NWD2: variants seen among roughly 807,000 people sequenced by gnomAD.
The protein encoded by NWD2 is NACHT and WD repeat domain containing 2.
In NWD2, 37 loss-of-function variants were observed where a neutral mutation model predicts 132.7. The ratio of observed to expected loss-of-function variants is 0.28; its 90% CI spans 0.21 to 0.37. The LOEUF (loss-of-function observed/expected upper bound fraction) is 0.37, where lower values mean the gene tolerates loss of function less well. Ranked by LOEUF, NWD2 falls within the 10% of genes least tolerant of loss-of-function variation. NWD2 has a pLI of 1.00. For synonymous variants in NWD2, 705 were observed against 803.0 expected (o/e 0.88, Z 2.06); for missense variants, 1,592 against 2,122.4 (o/e 0.75, Z 4.91).
chr4:37,402,562 A>G (rs1720914049), intron 3 of NWD2, among the ~76,000 whole-genome samples: 1 of 152,214 alleles, frequency 6.6e-6, no homozygotes, highest in Non-Finnish European at 1.5e-5. Flanking sequence ...ATATTATTTA[A>G]ATGCAATGTA....
intron 1 of NWD2, among the ~76,000 whole-genome samples, chr4:37,317,457 G>A (rs1305839739): frequency 1.3e-5 from 2 of 152,098 alleles, no homozygotes; most frequent in Non-Finnish European, 2.9e-5. Flanking sequence ...TAACAATACT[G>A]GTAGACATGG....
chr4:37,277,277 G>A (rs1208018329), intron 1 of NWD2, among the ~76,000 whole-genome samples: 1 of 151,830 alleles, frequency 6.6e-6, no homozygotes. Flanking sequence ...TTGTATTTGT[G>A]TCTCATTGAG....
intron 5 of NWD2, among the ~76,000 whole-genome samples, chr4:37,437,336 G>C (rs947460965): frequency 6.6e-6 from 1 of 152,112 alleles, no homozygotes; most frequent in Non-Finnish European, 1.5e-5. Flanking sequence ...AGGAGGGCAA[G>C]GGAACTCTCT....
At chr4:37,382,380 T>C (rs1489238757) in intron 3 of NWD2, among the ~76,000 whole-genome samples, 1 of 152,138 alleles carries the variant, frequency 6.6e-6, no homozygotes, top group African/African-American at 2.4e-5. Flanking sequence ...CATCAAGAGA[T>C]TGATTTTGGC....
intron 3 of NWD2, among the ~76,000 whole-genome samples, chr4:37,377,607 G>A (rs1720370756): frequency 6.6e-6 from 1 of 152,114 alleles, no homozygotes; most frequent in Non-Finnish European, 1.5e-5. Context: ...GGTGGCACAT[G>A]CCTGTAATCC....
At chr4:37,326,385 T>G (rs559265436) in intron 2 of NWD2, among the ~76,000 whole-genome samples, 8 of 152,282 alleles carry the variant, frequency 5.3e-5, no homozygotes, top group South Asian at 2.1e-4. Context: ...GGGGACCAAC[T>G]TTTTTCAAAC....
At chr4:37,411,514 T>C (rs1053129048) in intron 3 of NWD2, among the ~76,000 whole-genome samples, 2 of 152,026 alleles carry the variant, frequency 1.3e-5, no homozygotes, top group African/African-American at 4.8e-5. Flanking sequence ...CCAAAAAAAG[T>C]CCAGGACCAG....
intron 3 of NWD2, among the ~76,000 whole-genome samples, chr4:37,413,060 G>A (rs1721194385): frequency 1.3e-5 from 2 of 152,124 alleles, no homozygotes; most frequent in African/African-American, 4.8e-5. Flanking sequence ...CACAGGCATG[G>A]GCAAACACTT....
chr4:37,251,020 A>G (rs1010532406), intron 1 of NWD2, among the ~76,000 whole-genome samples: 1 of 152,262 alleles, frequency 6.6e-6, no homozygotes, highest in Non-Finnish European at 1.5e-5. Flanking sequence ...CACGCCTATA[A>G]TCCCAGCACT....
Position 37,272,640 on chromosome 4 carries a change from A to G in NWD2, c.151+27422A>G, listed in dbSNP as rs1245710547. 2.6e-5 allele frequency among the ~76,000 whole-genome samples: 4 copies of G among 151,760 alleles called. No individual in the cohort carries two copies. In the East Asian group the frequency reaches 7.7e-4, roughly 29 times the overall value. ...CATGCCCTCTATTACTGATACAGGT[A>G]CTGATTTTTCTCTCCTTTTGTCTTA... On this transcript the variant is annotated intron_variant, in intron 1 of 6. Transcript: ENST00000309447.
In NWD2 at chr4:37,444,415, G is replaced by A. The variant is rs1163878852; in HGVS notation, c.2427G>A (p.Gln809=). 2.6e-6 allele frequency: 4 copies of A among 1,552,158 alleles called. No homozygotes were observed. Among genetic ancestry groups the A allele is most frequent in the Non-Finnish European group, 3.5e-6 (4 of 1,147,114 alleles). The part of the protein sequence containing the change: ...HFMEQASFDR[Q]APDQPWVFQC... ...TGGAACAGGCTTCCTTTGACAGGCA[G>A]GCTCCAGACCAGCCCTGGGTTTTCC... Residue 809 remains glutamine, a synonymous_variant, in exon 7 of 7, where the codon CAG becomes CAA. Coordinates refer to ENST00000309447, the MANE Select transcript of NWD2 (RefSeq NM_001144990.2). The surrounding 1 kb of genome is among the most constrained non-coding windows in gnomAD (Gnocchi z 4.8).
intron 2 of NWD2, among the ~76,000 whole-genome samples, chr4:37,345,160 T>C (rs1308798715): frequency 1.3e-5 from 2 of 152,208 alleles, no homozygotes; most frequent in African/African-American, 2.4e-5. Context: ...TGGGCTGTTA[T>C]GAATACTGCT....
At chr4:37,311,686 A>G (rs199737168) in intron 1 of NWD2, among the ~76,000 whole-genome samples, 1 of 148,278 alleles carries the variant, frequency 6.7e-6, no homozygotes. Context: ...TGGTGTTTTA[A>G]ACATGAAGTC....
intron 1 of NWD2, among the ~76,000 whole-genome samples, chr4:37,310,386 A>G (rs1447355248): frequency 6.6e-6 from 1 of 152,168 alleles, no homozygotes; most frequent in Non-Finnish European, 1.5e-5. Context: ...GAAATCCACC[A>G]TTATCTTTTC....
Position 37,446,514 on chromosome 4 carries a change from C to G in NWD2, c.4526C>G (p.Thr1509Arg). ...GAGACTGTGAACATCTGGAGTCTGACAGATGAAGTGATCTGTCGGCGCGTG... is the reference window on the plus strand; with the variant it reads ...GAGACTGTGAACATCTGGAGTCTGAGAGATGAAGTGATCTGTCGGCGCGTG... ...SAETVNIWSL[T>R]DEVICRRVQL... Residue 1509 changes from threonine (T) to arginine (R), a missense_variant, in exon 7 of 7, where the codon ACA becomes AGA. Thr to Arg is a moderately conservative substitution (Grantham distance 71). Around this residue, in one of 7 missense-constraint regions of NWD2, gnomAD observed 257 missense variants for 335.0 expected, o/e 0.77. Coordinates refer to ENST00000309447, the MANE Select transcript of NWD2 (RefSeq NM_001144990.2). This position sits in a 1 kb window ranked among gnomAD's most constrained non-coding sequence, Gnocchi z 6.7. 6.4e-7 allele frequency: 1 copy of G among 1,551,718 alleles called. No individual in the cohort carries two copies. Among genetic ancestry groups the G allele is most frequent in the Non-Finnish European group, 8.7e-7 (1 of 1,147,004 alleles).
intron 5 of NWD2, among the ~76,000 whole-genome samples, chr4:37,437,109 A>G (rs1712342261): frequency 6.6e-6 from 1 of 152,198 alleles, no homozygotes; most frequent in African/African-American, 2.4e-5. Context: ...TAGTTACATT[A>G]CAGAATATAT....
intron 3 of NWD2, among the ~76,000 whole-genome samples, chr4:37,391,585 G>A (rs1391831418): frequency 6.6e-6 from 1 of 152,202 alleles, no homozygotes; most frequent in African/African-American, 2.4e-5. Context: ...AGATATGCTG[G>A]TATGTGGGGA....
chr4:37,280,235 T>C (rs1043975725), intron 1 of NWD2, among the ~76,000 whole-genome samples: 1 of 152,202 alleles, frequency 6.6e-6, no homozygotes, highest in African/African-American at 2.4e-5. Context: ...ACACTTCTAA[T>C]ATTAAACATT....
At chr4:37,273,630 T>C (rs1293787495) in intron 1 of NWD2, among the ~76,000 whole-genome samples, 1 of 152,154 alleles carries the variant, frequency 6.6e-6, no homozygotes, top group African/African-American at 2.4e-5. Context: ...GAATATACAT[T>C]CTTCTCAGCA....
Sources: gnomAD v4.1 joint callset for allele counts (sites outside exome capture counted in the v4.1 genomes callset) on GRCh38, gnomAD v4.1.1 for gene constraint, gnomAD v4.1.1 regional missense constraint, Gnocchi (gnomAD v3.1) non-coding constraint, MANE v1.5 for transcripts, NCBI Gene and HGNC (gene_info 2026-07-23, HGNC 2026-07-21) for gene names.